Variants in GRIK2 observed in about 807,000 individuals in gnomAD.
The protein encoded by GRIK2 is glutamate ionotropic receptor kainate type subunit 2, also known as glutamate receptor ionotropic, kainate 2.
In GRIK2, 32 loss-of-function variants were observed where a neutral mutation model predicts 100.3. The ratio of observed to expected loss-of-function variants is 0.32; its 90% CI spans 0.24 to 0.43. The LOEUF (loss-of-function observed/expected upper bound fraction) is 0.43, where lower values mean the gene tolerates loss of function less well. GRIK2 is among the 20% of genes least tolerant of loss of function. GRIK2 has a pLI of 1.00. For synonymous variants in GRIK2, 417 were observed against 389.4 expected (o/e 1.07, Z -0.83); for missense variants, 843 against 1,114.9 (o/e 0.76, Z 3.47).
At chr6:101,825,155 A>G (rs1255659334) in intron 10 of GRIK2, among the ~76,000 whole-genome samples, 1 of 152,204 alleles carries the variant, frequency 6.6e-6, no homozygotes, top group African/African-American at 2.4e-5. Context: ...CAGCAATCTC[A>G]GTCACATATT....
intron 12 of GRIK2, among the ~76,000 whole-genome samples, chr6:101,924,003 T>C (rs1347010139): frequency 1.3e-5 from 2 of 151,358 alleles, no homozygotes; most frequent in African/African-American, 2.4e-5. Flanking sequence ...CTGAAACCTA[T>C]AATAATGTCA....
At chr6:101,565,893 T>A (rs1478789324) in intron 2 of GRIK2, among the ~76,000 whole-genome samples, 1 of 143,724 alleles carries the variant, frequency 7.0e-6, no homozygotes, top group Non-Finnish European at 1.5e-5. Flanking sequence ...ATTCTGCCAA[T>A]CTTTATCTTT....
chr6:101,511,890 C>T (rs1291702623), intron 2 of GRIK2, among the ~76,000 whole-genome samples: 1 of 151,772 alleles, frequency 6.6e-6, no homozygotes, highest in African/African-American at 2.4e-5. Context: ...GTTTATAGAA[C>T]AATTATTGGT....
chr6:101,517,423 G>A (rs191326223), intron 2 of GRIK2, among the ~76,000 whole-genome samples: 5 of 152,228 alleles, frequency 3.3e-5, no homozygotes, highest in Admixed American at 1.3e-4. Flanking sequence ...GCGAAGGACC[G>A]TAGACTATAG....
intron 2 of GRIK2, among the ~76,000 whole-genome samples, chr6:101,506,116 C>T (rs1213031464): frequency 1.3e-5 from 2 of 152,072 alleles, no homozygotes; most frequent in African/African-American, 4.8e-5. Context: ...TCTCATTTTA[C>T]AGATGAGGTC....
intron 2 of GRIK2, among the ~76,000 whole-genome samples, chr6:101,563,619 G>A (rs7766141): frequency 0.29 from 43,952 of 151,944 alleles, 6,732 homozygotes; most frequent in East Asian, 0.46. Flanking sequence ...TGAATTTTAA[G>A]TGAGATTTGA....
At chr6:101,421,702 G>A (rs1157495068) in intron 2 of GRIK2, among the ~76,000 whole-genome samples, 1 of 152,112 alleles carries the variant, frequency 6.6e-6, no homozygotes, top group Non-Finnish European at 1.5e-5. Context: ...AATAAGGCAG[G>A]TTGAATAAAT....
chr6:101,884,270 G>A (rs527503940), intron 11 of GRIK2, among the ~76,000 whole-genome samples: 82 of 151,990 alleles, frequency 5.4e-4, no homozygotes, highest in Non-Finnish European at 9.3e-4. Flanking sequence ...CAATTTATTC[G>A]TATGAACTTA....
At chr6:101,632,610 C>A (rs959888481) in intron 4 of GRIK2, among the ~76,000 whole-genome samples, 2 of 151,990 alleles carry the variant, frequency 1.3e-5, no homozygotes, top group African/African-American at 4.8e-5. Context: ...AATTGTGTTT[C>A]TTTGATTTCA....
chr6:101,436,520 C>T (rs969963025), intron 2 of GRIK2, among the ~76,000 whole-genome samples: 1 of 151,916 alleles, frequency 6.6e-6, no homozygotes, highest in Non-Finnish European at 1.5e-5. Context: ...AATTAGGTTT[C>T]TTCCATATTT....
At chr6:101,771,955 C>T (rs1329785450) in intron 7 of GRIK2, among the ~76,000 whole-genome samples, 1 of 151,996 alleles carries the variant, frequency 6.6e-6, no homozygotes, top group Non-Finnish European at 1.5e-5. Context: ...TGGGTTGGTT[C>T]CAAGTCTTTG....
At chr6:101,443,337 G>A (rs988572777) in intron 2 of GRIK2, among the ~76,000 whole-genome samples, 3 of 152,142 alleles carry the variant, frequency 2.0e-5, no homozygotes, top group Non-Finnish European at 2.9e-5. Context: ...TAAGTATCTG[G>A]AAACTAAATA....
intron 2 of GRIK2, among the ~76,000 whole-genome samples, chr6:101,530,561 AGTT>A (rs35844325): frequency 0.73 from 110,437 of 151,450 alleles, 40,425 homozygotes; most frequent in Non-Finnish European, 0.76. Context: ...GTTGGAAACT[AGTT>A]GTTGGCAGAT....
At chr6:101,687,201 A>T (rs950013817) in intron 7 of GRIK2, among the ~76,000 whole-genome samples, 1 of 151,944 alleles carries the variant, frequency 6.6e-6, no homozygotes, top group African/African-American at 2.4e-5. Context: ...AGTCATATTT[A>T]CTCTGTAGTA....
intron 10 of GRIK2, among the ~76,000 whole-genome samples, chr6:101,828,723 A>G (rs916518834): frequency 5.9e-5 from 9 of 151,964 alleles, no homozygotes; most frequent in Non-Finnish European, 1.3e-4. Context: ...GAACCAGGAC[A>G]AAACAGAAAT....
At chr6:101,795,874 G>C (rs12201519) in intron 7 of GRIK2, among the ~76,000 whole-genome samples, 17,899 of 152,216 alleles carry the variant, frequency 0.12, 1,139 homozygotes, top group Admixed American at 0.17. Context: ...CCATGCCCCA[G>C]GTATAACAAT....
chr6:101,607,211 A>T (rs1202967879), intron 2 of GRIK2, among the ~76,000 whole-genome samples: 1 of 151,954 alleles, frequency 6.6e-6, no homozygotes, highest in Non-Finnish European at 1.5e-5. Context: ...ATGTATATTT[A>T]TAGTGCTTGC....
chr6:101,516,079 G>C (rs1774568511), intron 2 of GRIK2, among the ~76,000 whole-genome samples: 2 of 152,004 alleles, frequency 1.3e-5, no homozygotes, highest in East Asian at 3.9e-4. Context: ...AATCCATCTT[G>C]AGTTGAGATG....
At chr6:101,984,436 C>A (rs1217559586) in intron 14 of GRIK2, among the ~76,000 whole-genome samples, 1 of 151,488 alleles carries the variant, frequency 6.6e-6, no homozygotes, top group Non-Finnish European at 1.5e-5. Flanking sequence ...TTATTAGCAT[C>A]CCCGTTGACT....
Sources: gnomAD v4.1 joint callset for allele counts (sites outside exome capture counted in the v4.1 genomes callset) on GRCh38, gnomAD v4.1.1 for gene constraint, MANE v1.5 for transcripts, NCBI Gene and HGNC (gene_info 2026-07-23, HGNC 2026-07-21) for gene names.